ERC2: variants seen among roughly 807,000 people sequenced by gnomAD.
ERC2 encodes the protein ELKS/RAB6-interacting/CAST family member 2.
Under a neutral mutation model 114.8 loss-of-function variants are expected in ERC2, and 42 were observed. The ratio of observed to expected loss-of-function variants is 0.37; its 90% CI spans 0.29 to 0.47. ERC2 has a LOEUF of 0.47. Among genes scored for constraint, ERC2 ranks in the 20% least tolerant of loss-of-function variants. The pLI, the probability that ERC2 is intolerant of heterozygous loss-of-function variation, is 0.99. For synonymous variants in ERC2, 454 were observed against 425.5 expected (o/e 1.07, Z -0.82); for missense variants, 939 against 1,150.7 (o/e 0.82, Z 2.66).
At chr3:55,542,602 T>C (rs1283998605) in intron 17 of ERC2, among the ~76,000 whole-genome samples, 1 of 152,220 alleles carries the variant, frequency 6.6e-6, no homozygotes, top group African/African-American at 2.4e-5. Flanking sequence ...CAGTGAAATA[T>C]CTGAGAACAG....
intron 3 of ERC2, among the ~76,000 whole-genome samples, chr3:56,221,209 C>G (rs1167740232): frequency 6.6e-6 from 1 of 151,894 alleles, no homozygotes; most frequent in Non-Finnish European, 1.5e-5. Flanking sequence ...CTATGATTCT[C>G]TTTTTCTCTC....
At chr3:55,911,579 G>T (rs1352902003) in intron 13 of ERC2, among the ~76,000 whole-genome samples, 1 of 152,158 alleles carries the variant, frequency 6.6e-6, no homozygotes, top group Non-Finnish European at 1.5e-5. Context: ...TTTATGAAAG[G>T]ATTTAACACT....
chr3:56,302,847 T>A (rs1478576487), intron 2 of ERC2, among the ~76,000 whole-genome samples: 3 of 152,200 alleles, frequency 2.0e-5, no homozygotes. Context: ...CCACTGCACA[T>A]CAGGACAGAG....
At chr3:56,372,348 T>A (rs2059389232) in intron 2 of ERC2, among the ~76,000 whole-genome samples, 1 of 152,220 alleles carries the variant, frequency 6.6e-6, no homozygotes, top group African/African-American at 2.4e-5. Context: ...CACATTTTTT[T>A]AATCACTTAA....
At chr3:55,958,209 C>T (rs1382505123) in intron 12 of ERC2, among the ~76,000 whole-genome samples, 1 of 152,192 alleles carries the variant, frequency 6.6e-6, no homozygotes, top group Non-Finnish European at 1.5e-5. Context: ...CTCCTGGCTA[C>T]TCGTGGCAGG....
At chr3:55,627,811 T>A (rs901736386) in intron 17 of ERC2, among the ~76,000 whole-genome samples, 8 of 151,464 alleles carry the variant, frequency 5.3e-5, no homozygotes, top group Non-Finnish European at 8.8e-5. Flanking sequence ...CCATTTTTAA[T>A]TTAAAATATT....
intron 1 of ERC2, among the ~76,000 whole-genome samples, chr3:56,450,225 C>T (rs562129668): frequency 6.4e-4 from 98 of 152,174 alleles, no homozygotes; most frequent in Non-Finnish European, 1.2e-3. Flanking sequence ...TTTAGTTCCC[C>T]CAAACTCATT....
chr3:55,616,856 C>T (rs751072835), intron 17 of ERC2, among the ~76,000 whole-genome samples: 5 of 152,022 alleles, frequency 3.3e-5, no homozygotes, highest in African/African-American at 1.2e-4. Flanking sequence ...TAGCAATTCT[C>T]ACTTGTTCCA....
intron 13 of ERC2, among the ~76,000 whole-genome samples, chr3:55,916,464 T>C (rs769530011): frequency 6.6e-6 from 1 of 152,138 alleles, no homozygotes; most frequent in Non-Finnish European, 1.5e-5. Context: ...ACCTAGAATA[T>C]GCAAGCAGAG....
At position 55,721,824 on chromosome 3, in the gene ERC2, A is replaced by G. The variant is rs569840478; in HGVS notation, c.2712+12947T>C. ...GAAACTCTGCCTGGCTTTGTGATCCACATACCTCCTTCCTACCCCAGCACC... is the reference window on the plus strand; with the variant it reads ...GAAACTCTGCCTGGCTTTGTGATCCGCATACCTCCTTCCTACCCCAGCACC... On this transcript the variant is annotated intron_variant, in intron 15 of 17. Transcript: ENST00000288221. 3.0e-4 allele frequency among the ~76,000 whole-genome samples: 45 copies of G among 152,320 alleles called. 1 individual carries two copies. Among genetic ancestry groups the G allele is most frequent in the South Asian group, 1.7e-3 (8 of 4,824 alleles).
chr3:55,672,611 TGG>T (rs1197975504), intron 17 of ERC2, among the ~76,000 whole-genome samples: 1 of 152,168 alleles, frequency 6.6e-6, no homozygotes, highest in Admixed American at 6.5e-5. Flanking sequence ...TTCTCTAAAC[TGG>T]CAAGGGTGCT....
chr3:55,576,139 A>G (rs1001383497), intron 17 of ERC2, among the ~76,000 whole-genome samples: 2 of 151,956 alleles, frequency 1.3e-5, no homozygotes, highest in Admixed American at 6.6e-5. Context: ...GTGAAACCCT[A>G]TCTCCACTAA....
chr3:55,789,691 A>G (rs2069822296), intron 14 of ERC2, among the ~76,000 whole-genome samples: 1 of 152,240 alleles, frequency 6.6e-6, no homozygotes, highest in Non-Finnish European at 1.5e-5. Flanking sequence ...AAGAAGTCAC[A>G]TGGTATGCTG....
At chr3:55,514,117 C>T (rs138323911) in intron 17 of ERC2, among the ~76,000 whole-genome samples, 1 of 152,344 alleles carries the variant, frequency 6.6e-6, no homozygotes, top group East Asian at 1.9e-4. Flanking sequence ...AGATTATCAA[C>T]TAAGCGAGGT....
At chr3:55,513,745 T>A (rs2107143228) in intron 17 of ERC2, among the ~76,000 whole-genome samples, 1 of 152,244 alleles carries the variant, frequency 6.6e-6, no homozygotes, top group East Asian at 1.9e-4. Context: ...GCAATCCTCC[T>A]AGCTCAGCCC....
At chr3:56,113,537 G>A (rs2079072815) in intron 6 of ERC2, among the ~76,000 whole-genome samples, 2 of 152,146 alleles carry the variant, frequency 1.3e-5, no homozygotes, top group South Asian at 2.1e-4. Flanking sequence ...AATGTAGAAT[G>A]TTACATTAAA....
At chr3:55,691,882 GT>G (rs1257850347) in intron 16 of ERC2, among the ~76,000 whole-genome samples, 41 of 152,162 alleles carry the variant, frequency 2.7e-4, no homozygotes, top group Admixed American at 7.2e-4. Context: ...AGGGAGAGAA[GT>G]TTCTAGCTAA....
At chr3:55,551,292 G>A (rs552968193) in intron 17 of ERC2, among the ~76,000 whole-genome samples, 2 of 152,184 alleles carry the variant, frequency 1.3e-5, no homozygotes, top group South Asian at 4.1e-4. Context: ...GGAGGCAGAG[G>A]CGGGTGGATC....
intron 7 of ERC2, among the ~76,000 whole-genome samples, chr3:56,020,888 T>A (rs2073669703): frequency 6.6e-6 from 1 of 152,068 alleles, no homozygotes; most frequent in Non-Finnish European, 1.5e-5. Context: ...TGGGGCCTCC[T>A]CATATAACTG....
Sources: allele counts gnomAD v4.1 joint callset (sites outside exome capture counted in the v4.1 genomes callset), GRCh38; gene constraint gnomAD v4.1.1; transcripts MANE v1.5; gene names NCBI Gene and HGNC (gene_info 2026-07-23, HGNC 2026-07-21).